WDR62: variants seen among roughly 807,000 people sequenced by gnomAD.
The protein encoded by WDR62 is WD repeat domain 62.
WDR62 carries 112 observed loss-of-function variants against 160.6 expected under a neutral mutation model. The ratio of observed to expected loss-of-function variants is 0.70; its 90% confidence interval spans 0.60 to 0.82. WDR62 has a LOEUF of 0.82. Among genes scored for constraint, WDR62 ranks in the 40% least tolerant of loss-of-function variants. The pLI is 0.00. For missense variants in WDR62, 1,819 were observed against 1,983.8 expected (o/e 0.92, Z 1.58); for synonymous variants, 792 against 815.1 (o/e 0.97, Z 0.48).
chr19:36,071,490 T>G, intron 7 of WDR62, 66 bp from the exon 8 acceptor site: 1 of 1,600,248 alleles, frequency 6.2e-7, no homozygotes, highest in Non-Finnish European at 8.6e-7. Flanking sequence ...GCTCTGTCAG[T>G]CCCCATATCC....
intron 2 of WDR62, chr19:36,059,190 G>T: frequency 2.0e-6 from 1 of 497,092 alleles, no homozygotes. Flanking sequence ...TGCCATGTAT[G>T]CTGCTCTCTG....
intron 8 of WDR62, among the ~76,000 whole-genome samples, 186 bp downstream of exon 8, chr19:36,071,902 G>A (rs991114552): frequency 3.3e-5 from 5 of 152,256 alleles, no homozygotes; most frequent in African/African-American, 1.2e-4. Context: ...AGTGAGAAGT[G>A]AGGCTGGGTA....
rs775099471 is a variant in WDR62 at position 36,073,503 on chromosome 19, T to G, written c.1205T>G (p.Phe402Cys). ...GTGGGCAAGGTGTGGTCAGAGCTCT[T>G]CCACAGCTCCTACGTTTGGAACGTG... ...NRVGKVWSELFHSSYVWNVEV... is the reference protein window; with the variant it reads ...NRVGKVWSELCHSSYVWNVEV... The change falls in exon 9 of 32, where the codon TTC becomes TGC. Residue 402 changes from phenylalanine to cysteine, a missense_variant. Coordinates refer to ENST00000401500, the MANE Select transcript of WDR62 (RefSeq NM_001083961.2). 9 of 1,613,404 alleles carry G rather than the reference T, an allele frequency of 5.6e-6. No homozygotes were observed. The Admixed American group carries it at 8.3e-5, about 15-fold the overall frequency.
chr19:36,107,360 GAA>G (rs1973734823), downstream of WDR62, among the ~76,000 whole-genome samples: 1 of 152,182 alleles, frequency 6.6e-6, no homozygotes, highest in African/African-American at 2.4e-5. Context: ...GCAGGAGCTA[GAA>G]GCTGCCCCGA....
chr19:36,105,078 T>C lies in WDR62; in HGVS notation c.*50T>C. On this transcript the variant is annotated 3_prime_UTR_variant, in exon 32 of 32. Coordinates refer to ENST00000401500, the MANE Select transcript of WDR62 (RefSeq NM_001083961.2). ...CTGCTGCTTCTGAGGACTTAGGTATTTTAAGCGAATAAACTGACAGCTTTG... is the reference window on the plus strand; with the variant it reads ...CTGCTGCTTCTGAGGACTTAGGTATCTTAAGCGAATAAACTGACAGCTTTG... The C allele has an allele frequency of 6.4e-7, 1 of 1,563,984 alleles. No homozygotes were observed. Among genetic ancestry groups the C allele is most frequent in the Non-Finnish European group, 8.6e-7 (1 of 1,161,976 alleles).
intron 7 of WDR62, 117 bp downstream of exon 7, chr19:36,068,127 C>T (rs902183958): frequency 1.2e-5 from 15 of 1,249,150 alleles, no homozygotes; most frequent in South Asian, 2.6e-5. Context: ...TGGTGAATGA[C>T]GCCCACTCTC....
At position 36,089,071 on chromosome 19, in the gene WDR62, C is replaced by G. The variant is rs1290682936; in HGVS notation, c.1802C>G (p.Ala601Gly). 1 of 1,614,182 alleles carries G rather than the reference C, an allele frequency of 6.2e-7. No homozygotes were observed. The change falls in exon 14 of 32, where the codon GCT (alanine) becomes GGT (glycine). Residue 601 changes from alanine (A) to glycine (G), a missense_variant. By Grantham distance (60) the Ala-to-Gly change is moderately conservative. Coordinates refer to ENST00000401500, the MANE Select transcript of WDR62 (RefSeq NM_001083961.2). ...NRDIQMISCG[A>G]DKSIYFRSAQ... ...GACATCCAGATGATCAGCTGTGGGGCTGACAAGAGCATCTACTTTCGCAGT... is the reference window on the plus strand; with the variant it reads ...GACATCCAGATGATCAGCTGTGGGGGTGACAAGAGCATCTACTTTCGCAGT...
chr19:36,092,508 G>T (rs905520842), intron 18 of WDR62, among the ~76,000 whole-genome samples, 181 bp from the exon 19 acceptor site: 9 of 148,038 alleles, frequency 6.1e-5, no homozygotes. Flanking sequence ...CCAGACCTGG[G>T]CCCAGGGTGT....
chr19:36,105,152 A>C, downstream of WDR62: 2 of 1,259,390 alleles, frequency 1.6e-6, no homozygotes, highest in Non-Finnish European at 2.2e-6. Flanking sequence ...AGCCCTCTTC[A>C]AGTGGAAGTG....
downstream of WDR62, chr19:36,105,116 TG>T (rs1261425277): frequency 6.7e-6 from 10 of 1,501,938 alleles, no homozygotes; most frequent in African/African-American, 1.4e-4. Flanking sequence ...GAATGGTTCC[TG>T]GTGTCTGTTT....
At chr19:36,105,231 C>T (rs1007083815), downstream of WDR62, 4 of 667,974 alleles carry the variant, frequency 6.0e-6, no homozygotes, top group Non-Finnish European at 1.0e-5. Flanking sequence ...GACCAGCGCT[C>T]CCAAGAAGTT....
At chr19:36,106,740 G>C (rs559547077), downstream of WDR62, among the ~76,000 whole-genome samples, 33 of 152,338 alleles carry the variant, frequency 2.2e-4, no homozygotes, top group African/African-American at 7.9e-4. Flanking sequence ...GGTGCAAGGA[G>C]GAGCAGGGCC....
chr19:36,069,619 CT>C (rs1417393028), intron 7 of WDR62, among the ~76,000 whole-genome samples: 1 of 152,266 alleles, frequency 6.6e-6, no homozygotes, highest in Non-Finnish European at 1.5e-5. Flanking sequence ...AATCTCGGCA[CT>C]TTGGGAGGCC....
At chr19:36,105,151 C>G (rs566177639), downstream of WDR62, 2 of 1,292,754 alleles carry the variant, frequency 1.5e-6, no homozygotes, top group Admixed American at 2.2e-5. Flanking sequence ...AAGCCCTCTT[C>G]AAGTGGAAGT....
At position 36,083,162 on chromosome 19, in the gene WDR62, G is replaced by A. The variant is rs768534840; in HGVS notation, c.1471G>A (p.Val491Met). 21 of 1,612,842 alleles carry A rather than the reference G, an allele frequency of 1.3e-5. No individual in the cohort carries two copies. The highest frequency in any genetic ancestry group is 1.2e-4 in the Admixed American group (7 of 59,850). ...RGSENGTPMD[V>M]KAGVRVMQVS... ...GAGCGAGAATGGGACACCCATGGAC[G>A]TGAAAGCCGGGGTGCGGGTCATGCA... Residue 491 changes from valine to methionine, a missense_variant, in exon 11 of 32, where the codon GTG becomes ATG. By Grantham distance (21) the Val-to-Met change is conservative. Around this residue, in one of 3 missense-constraint regions of WDR62, gnomAD observed 934 missense variants for 1,157.2 expected, o/e 0.81. Coordinates refer to ENST00000401500, the MANE Select transcript of WDR62 (RefSeq NM_001083961.2).
At chr19:36,070,739 A>G (rs1008023622) in intron 7 of WDR62, 1 of 152,224 alleles carries the variant, frequency 6.6e-6, no homozygotes, top group African/African-American at 2.4e-5. Flanking sequence ...TTTCCTAAGC[A>G]CTAAATGACT....
In WDR62 at chr19:36,085,951, G is replaced by A. The variant is rs138174422; in HGVS notation, c.1643-736G>A. Among the ~76,000 whole-genome samples the A allele has an allele frequency of 4.2e-3, 644 of 152,150 alleles. 5 individuals are homozygous for A. Among genetic ancestry groups the A allele is most frequent in the African/African-American group, 0.015 (624 of 41,520 alleles). ...ACCCGCCTTGGCCTCCCAAAATGCT[G>A]GGATTACAAGCGTGAACCACCATGC... is the stretch of plus-strand genomic sequence containing the variant. On this transcript the variant is annotated intron_variant, in intron 12 of 31. Coordinates refer to ENST00000401500, the MANE Select transcript of WDR62 (RefSeq NM_001083961.2).
rs1021128183 is a variant in WDR62 at position 36,094,254 on chromosome 19, T to A, written c.2467+90T>A. The A allele has an allele frequency of 4.5e-6, 7 of 1,558,890 alleles. No individual in the cohort carries two copies. In the African/African-American group the frequency reaches 9.5e-5, roughly 21 times the overall value. On this transcript the variant is annotated intron_variant, in intron 20 of 31. Coordinates refer to ENST00000401500, the MANE Select transcript of WDR62 (RefSeq NM_001083961.2). ...GACCTTGTTTACAGGGCCTGGCACA[T>A]ATTAAAACTCAGGAGTCGACAGGGT...
chr19:36,055,287 C>G (rs1374994146), intron 1 of WDR62, 139 bp downstream of exon 1: 1 of 872,996 alleles, frequency 1.1e-6, no homozygotes, highest in Non-Finnish European at 1.8e-6. Context: ...GTCCCCTAAC[C>G]CCCGCCCCTT....
Sources: gnomAD v4.1 joint callset for allele counts (sites outside exome capture counted in the v4.1 genomes callset) on GRCh38, gnomAD v4.1.1 for gene constraint, gnomAD v4.1.1 regional missense constraint, MANE v1.5 for transcripts, NCBI Gene and HGNC (gene_info 2026-07-23, HGNC 2026-07-21) for gene names.